The following NBPF12 variants were observed in gnomAD, a reference collection of about 807,000 sequenced individuals.
NBPF12 encodes NBPF family member NBPF12.
Under a neutral mutation model 146.4 loss-of-function variants are expected in NBPF12, and 115 were observed. The ratio of observed to expected loss-of-function variants is 0.79; its 90% CI spans 0.68 to 0.92. The LOEUF (loss-of-function observed/expected upper bound fraction) is 0.92, where lower values mean the gene tolerates loss of function less well. Ranked by LOEUF, NBPF12 falls within the 40% of genes least tolerant of loss-of-function variation. The pLI is 0.00. For synonymous variants in NBPF12, 385 were observed against 508.9 expected, an observed-to-expected ratio of 0.76 and a Z score of 3.28; for missense variants, 1,205 against 1,326.8, an observed-to-expected ratio of 0.91 and a Z score of 1.43.
At chr1:146,963,288 C>T in exon 6 of NBPF12, 1 of 1,612,060 alleles carries the variant, frequency 6.2e-7, no homozygotes, top group Non-Finnish European at 8.5e-7. Flanking sequence ...GGCACAGCAA[C>T]TTGTCCAAAA....
intron 2 of NBPF12, among the ~76,000 whole-genome samples, chr1:146,943,887 T>C (rs1489743381): frequency 1.2e-4 from 18 of 144,232 alleles, no homozygotes; most frequent in African/African-American, 4.2e-4. Context: ...CCCATTTCTG[T>C]CTCTGTTTCC....
Position 146,965,023 on chromosome 1 carries a change from G to A in NBPF12, c.697G>A (p.Glu233Lys). The stretch of plus-strand genomic sequence containing the variant: ...CAAGAACATCAAAATCACATTTGAG[G>A]AAGACAAAGTCAACTCAACTGTGGT... The change falls in exon 8 of 34, where the codon GAA becomes AAA. Residue 233 changes from glutamate (E) to lysine (K), a missense_variant. By Grantham distance (56) the Glu-to-Lys change is moderately conservative (BLOSUM62 1). This residue lies in a region of NBPF12 where 325 missense variants were observed against 236.6 expected (regional missense o/e 1.37). Coordinates refer to ENST00000617844, the Ensembl canonical transcript of NBPF12. 15 of 1,608,586 alleles carry A rather than the reference G, an allele frequency of 9.3e-6. No homozygotes were observed. The South Asian group carries it at 1.5e-4, about 16-fold the overall frequency.
At chr1:146,962,530 G>A (rs1455673666) in intron 5 of NBPF12, among the ~76,000 whole-genome samples, 4 of 151,694 alleles carry the variant, frequency 2.6e-5, no homozygotes, top group Non-Finnish European at 5.9e-5. Flanking sequence ...CCAAAGGAGT[G>A]GGAACCACCT....
intron 6 of NBPF12, among the ~76,000 whole-genome samples, 181 bp downstream of exon 9, chr1:146,963,490 C>G (rs1655997342): frequency 6.6e-6 from 1 of 151,960 alleles, no homozygotes; most frequent in African/African-American, 2.4e-5. Flanking sequence ...GTTTGGAGGT[C>G]CCAGTATTGC....
intron 2 of NBPF12, 101 bp downstream of exon 5, chr1:146,951,590 CT>C (rs1655324785): frequency 2.1e-6 from 1 of 486,156 alleles, no homozygotes; most frequent in African/African-American, 2.1e-5. Context: ...AGCCCATATG[CT>C]TAGCTGAGTT....
intron 2 of NBPF12, among the ~76,000 whole-genome samples, chr1:146,954,992 A>G (rs1401425841): frequency 1.5e-5 from 1 of 68,330 alleles, no homozygotes; most frequent in Non-Finnish European, 2.7e-5. Context: ...ATATATATAT[A>G]TATATATATA....
chr1:146,971,204 A>C (rs1553886355), exon 13 of NBPF12: 35,266 of 1,608,672 alleles, frequency 0.022, 1,026 homozygotes, highest in African/African-American at 0.068. Flanking sequence ...AGGCTGAAGA[A>C]AGCAAAGTCC....
In NBPF12 at chr1:146,962,141, C is replaced by T. The variant is rs1402699275; in HGVS notation, c.176-20C>T. 23 of 1,607,412 alleles carry T rather than the reference C, an allele frequency of 1.4e-5. No homozygotes were observed. Among genetic ancestry groups the T allele is most frequent in the South Asian group, 9.9e-5 (9 of 90,954 alleles). ...ATGTCCAGCCTTCCACTGAGGCAGG[C>T]GTGTCTGTCTTTTTCTCAGAGTATG... On this transcript the variant is annotated intron_variant, in intron 4 of 33. Transcript: ENST00000617844.
intron 2 of NBPF12, among the ~76,000 whole-genome samples, chr1:146,952,297 C>A (rs1655358147): frequency 6.6e-6 from 1 of 152,108 alleles, no homozygotes; most frequent in East Asian, 1.9e-4. Flanking sequence ...GTGGCTGGTG[C>A]TGCCCCTGAC....
intron 1 of NBPF12, among the ~76,000 whole-genome samples, chr1:146,942,402 G>A (rs1447814475): frequency 4.0e-5 from 6 of 151,308 alleles, no homozygotes; most frequent in Admixed American, 2.6e-4. Context: ...TTTTGTATGT[G>A]TTCAATCTCA....
upstream of NBPF12, among the ~76,000 whole-genome samples, chr1:146,938,429 A>G (rs1654629044): frequency 1.3e-5 from 2 of 152,098 alleles, no homozygotes; most frequent in Non-Finnish European, 1.5e-5. Context: ...TTAACCTGGC[A>G]GGGGCGGTTC....
At chr1:146,943,986 T>C (rs1342317892) in intron 2 of NBPF12, among the ~76,000 whole-genome samples, 14 of 133,514 alleles carry the variant, frequency 1.0e-4, no homozygotes, top group Admixed American at 3.1e-4. Context: ...AGGCTAAGGC[T>C]CTGCACTGTC....
In NBPF12 at chr1:146,955,013, T is replaced by TACAC. The variant is rs1228510348; in HGVS notation, c.-184+3536_-184+3539dup. On this transcript the variant is annotated intron_variant, in intron 2 of 33. Coordinates refer to ENST00000617844, the Ensembl canonical transcript of NBPF12. ...ATATATATATATATATATATATATATACACACACACACACATATATATATT... is the reference window on the plus strand; with the variant it reads ...ATATATATATATATATATATATATATACACACACACACACACACATATATATATT... Among the ~76,000 whole-genome samples, 517 of 67,400 alleles carry TACAC rather than the reference T, an allele frequency of 7.7e-3. 24 individuals carry two copies. The highest frequency in any genetic ancestry group is 0.013 in the South Asian group (25 of 1,978). The allele number at this position is 67,400 out of a possible 152,430, so 44.2% of individuals were successfully genotyped here.
At chr1:146,976,592 C>G (rs1553887370) in intron 16 of NBPF12, among the ~76,000 whole-genome samples, 64 of 149,098 alleles carry the variant, frequency 4.3e-4, no homozygotes, top group South Asian at 2.2e-3. Context: ...CAAACTGTGA[C>G]AGGACACCAA....
At chr1:146,940,572 G>T (rs1219633835) in intron 1 of NBPF12, among the ~76,000 whole-genome samples, 1 of 142,252 alleles carries the variant, frequency 7.0e-6, no homozygotes, top group African/African-American at 2.6e-5. Flanking sequence ...AAAAAAAAAA[G>T]TACAGGTCAT....
chr1:146,942,437 TAG>T (rs1296394207), intron 1 of NBPF12, among the ~76,000 whole-genome samples: 1 of 151,872 alleles, frequency 6.6e-6, no homozygotes, highest in Non-Finnish European at 1.5e-5. Context: ...TCCTGGAAAT[TAG>T]AGATTTTGTT....
chr1:146,995,943 C>G (rs1204021149), exon 34 of NBPF12: 3 of 150,736 alleles, frequency 2.0e-5, no homozygotes, highest in African/African-American at 7.4e-5. Flanking sequence ...ATACATATCT[C>G]TACGCTGCAA....
At chr1:146,992,462 C>CTCTGTGTGTG (rs1450490306) in intron 31 of NBPF12, among the ~76,000 whole-genome samples, 2 of 66,272 alleles carry the variant, frequency 3.0e-5, no homozygotes, top group Admixed American at 1.8e-4. Flanking sequence ...CTCTCTCTCT[C>CTCTGTGTGTG]TGTGTGTGTG....
In NBPF12 at chr1:146,966,452, T is replaced by A; in HGVS notation, c.779-12T>A. ...TTTTAACCCATCATGTGTTTGCCTT[T>A]CTTCTCCCCAGTCCCTGGCCCCACC... On this transcript the variant is annotated splice_polypyrimidine_tract_variant and intron_variant, in intron 8 of 33. Coordinates refer to ENST00000617844, the Ensembl canonical transcript of NBPF12. 1 of 1,352,562 alleles carries A rather than the reference T, an allele frequency of 7.4e-7. No homozygotes were observed. Among genetic ancestry groups the A allele is most frequent in the Non-Finnish European group, 1.1e-6 (1 of 945,140 alleles). 83.8% of individuals were successfully genotyped at this position (1,352,562 alleles called of 1,614,324 possible). A position where few individuals can be genotyped will look rare whatever the true frequency, so the allele number is the denominator to read the frequency against.
Sources: allele counts gnomAD v4.1 joint callset (sites outside exome capture counted in the v4.1 genomes callset), GRCh38; gene constraint gnomAD v4.1.1; regional missense constraint gnomAD v4.1.1; transcripts MANE v1.5; gene names NCBI Gene and HGNC (gene_info 2026-07-23, HGNC 2026-07-21).